Variants in SV2B observed in about 807,000 individuals in gnomAD.
SV2B encodes solute carrier family 22 member B2.
SV2B carries 41 observed loss-of-function variants against 73.9 expected under a neutral mutation model. That is an observed-to-expected ratio of 0.56 (90% CI 0.43 to 0.72). The LOEUF is 0.72. Among genes scored for constraint, SV2B ranks in the 30% least tolerant of loss-of-function variants. The pLI is 0.00. For missense variants in SV2B, 764 were observed against 857.8 expected (o/e 0.89, Z 1.37); for synonymous variants, 314 against 314.2 (o/e 1.00, Z 0.01).
intron 9 of SV2B, among the ~76,000 whole-genome samples, chr15:91,277,890 G>T (rs2048544904): frequency 6.6e-6 from 1 of 152,112 alleles, no homozygotes; most frequent in African/African-American, 2.4e-5. Context: ...GTTCCTAAAG[G>T]CAGTAAATGT....
rs2047919727 is a variant in SV2B at position 91,261,854 on chromosome 15, G to A, written c.1008+1445G>A. On this transcript the variant is annotated intron_variant, in intron 6 of 12. Transcript: ENST00000394232. The surrounding 1 kb of genome is among the most constrained non-coding windows in gnomAD (Gnocchi z 4.7). ...ATGGCCTGATAGTTACAGAGACGCT[G>A]TCTTCCTGCCTGCCATGCTCTGACA... 6.6e-6 allele frequency among the ~76,000 whole-genome samples: 1 copy of A among 152,194 alleles called. No individual in the cohort carries two copies. Among genetic ancestry groups the A allele is most frequent in the Non-Finnish European group, 1.5e-5 (1 of 68,040 alleles).
intron 1 of SV2B, among the ~76,000 whole-genome samples, chr15:91,180,129 T>A (rs890518903): frequency 5.3e-5 from 8 of 152,188 alleles, no homozygotes; most frequent in Non-Finnish European, 1.0e-4. Flanking sequence ...TTGTAAAGTA[T>A]TTTTGTTTCT....
At chr15:91,143,561 G>A (rs1278834351) in intron 1 of SV2B, among the ~76,000 whole-genome samples, 1 of 152,158 alleles carries the variant, frequency 6.6e-6, no homozygotes, top group Non-Finnish European at 1.5e-5. Flanking sequence ...GTTTTTAGTA[G>A]TGCTATTTCC....
chr15:91,238,917 C>A (rs369546631), intron 2 of SV2B, among the ~76,000 whole-genome samples: 23 of 152,146 alleles, frequency 1.5e-4, no homozygotes, highest in African/African-American at 5.1e-4. Flanking sequence ...CGGTGGAGCT[C>A]ATGACTGCCA....
chr15:91,262,520 G>A (rs373428653), intron 6 of SV2B, among the ~76,000 whole-genome samples: 9 of 151,972 alleles, frequency 5.9e-5, no homozygotes, highest in African/African-American at 2.2e-4. Flanking sequence ...AGAGGTGAAC[G>A]TGTGTCACGG....
rs1358676953 is a variant in SV2B at position 91,295,835 on chromosome 15, C to T, written c.*3283C>T. ...CCATGGGCCAGTCTCTCTGCCAAGCCCTGGGGACACAGTGATGAAAAAACT... is the reference window on the plus strand; with the variant it reads ...CCATGGGCCAGTCTCTCTGCCAAGCTCTGGGGACACAGTGATGAAAAAACT... On this transcript the variant is annotated 3_prime_UTR_variant, in exon 13 of 13. Coordinates refer to ENST00000394232, the MANE Select transcript of SV2B (RefSeq NM_001323032.3). The T allele has an allele frequency of 1.2e-4, 18 of 152,166 alleles. No individual in the cohort carries two copies. Among genetic ancestry groups the T allele is most frequent in the African/African-American group, 4.3e-4 (18 of 41,418 alleles). The allele number at this position is 152,166 out of a possible 1,614,324, so 9.4% of individuals were successfully genotyped here.
At chr15:91,159,507 T>G (rs1191622652) in intron 1 of SV2B, among the ~76,000 whole-genome samples, 5 of 152,172 alleles carry the variant, frequency 3.3e-5, no homozygotes, top group Admixed American at 6.5e-5. Flanking sequence ...TTGCTAATAT[T>G]CAGCAATGAT....
In SV2B at chr15:91,220,558, A is replaced by T. The variant is rs913920212; in HGVS notation, c.-391-5315A>T. Among the ~76,000 whole-genome samples the T allele has an allele frequency of 5.9e-5, 9 of 152,246 alleles. No homozygotes were observed. The highest frequency in any genetic ancestry group is 2.2e-4 in the African/African-American group (9 of 41,464). On this transcript the variant is annotated intron_variant, in intron 1 of 12. Transcript: ENST00000394232. This position sits in a 1 kb window ranked among gnomAD's most constrained non-coding sequence, Gnocchi z 4.1. Reference sequence around the variant, plus strand: ...AATATTTTTAACTTTGTTTTCTGTGATATTTAGTAATAAGCAAGAGTTTGC... The same window carrying T: ...AATATTTTTAACTTTGTTTTCTGTGTTATTTAGTAATAAGCAAGAGTTTGC...
intron 1 of SV2B, among the ~76,000 whole-genome samples, chr15:91,165,467 T>G (rs186935421): frequency 6.6e-6 from 1 of 152,354 alleles, no homozygotes; most frequent in African/African-American, 2.4e-5. Flanking sequence ...TTATTATAAG[T>G]AATGCAGATG....
At position 91,132,137 on chromosome 15, in the gene SV2B, G is replaced by A. The variant is rs190541758; in HGVS notation, c.-392+31774G>A. Among the ~76,000 whole-genome samples the A allele has an allele frequency of 1.8e-3, 270 of 152,280 alleles. No individual in the cohort carries two copies. The highest frequency in any genetic ancestry group is 4.8e-3 in the Admixed American group (74 of 15,278). ...AAAAGAACGAAAGCAGGTATTTATC[G>A]AAAATGAAAGTACACTCCAGTGTGG... On this transcript the variant is annotated intron_variant, in intron 1 of 12. Transcript: ENST00000394232. The surrounding 1 kb of genome is among the most constrained non-coding windows in gnomAD (Gnocchi z 4.6).
intron 1 of SV2B, among the ~76,000 whole-genome samples, chr15:91,109,738 TA>T (rs1395624376): frequency 6.6e-6 from 1 of 152,122 alleles, no homozygotes; most frequent in Admixed American, 6.5e-5. Context: ...AGGAAATAAT[TA>T]AAAAAATTTT....
chr15:91,279,718 C>T (rs12591609), intron 9 of SV2B, among the ~76,000 whole-genome samples: 1 of 152,182 alleles, frequency 6.6e-6, no homozygotes. Context: ...TCACCCAAGG[C>T]TACATCAGCA....
chr15:91,144,910 T>C (rs1322399949), intron 1 of SV2B, among the ~76,000 whole-genome samples: 1 of 151,976 alleles, frequency 6.6e-6, no homozygotes, highest in African/African-American at 2.4e-5. Context: ...TTTTTTTTTT[T>C]TATGGAAGTC....
chr15:91,158,684 CTCTT>C (rs2043586514), intron 1 of SV2B, among the ~76,000 whole-genome samples: 5 of 80,846 alleles, frequency 6.2e-5, no homozygotes, highest in Admixed American at 1.3e-4. Context: ...CTCTTCTCTT[CTCTT>C]CTCTTCTCTT....
rs566132096 is a variant in SV2B at position 91,298,069 on chromosome 15, G to A, written c.*5517G>A. 1.3e-5 allele frequency: 2 copies of A among 152,306 alleles called. No individual in the cohort carries two copies. Among genetic ancestry groups the A allele is most frequent in the Admixed American group, 6.5e-5 (1 of 15,300 alleles). 9.4% of individuals were successfully genotyped at this position (152,306 alleles called of 1,614,324 possible). On this transcript the variant is annotated 3_prime_UTR_variant, in exon 13 of 13. Coordinates refer to ENST00000394232, the MANE Select transcript of SV2B (RefSeq NM_001323032.3). This position sits in a 1 kb window ranked among gnomAD's most constrained non-coding sequence, Gnocchi z 5.4. ...GGATGCACGGGGGTGATCAAGACAT[G>A]ACTAGATGTGAACCTGACCTGCAGA...
chr15:91,158,734 C>A (rs1596493749), intron 1 of SV2B, among the ~76,000 whole-genome samples: 1 of 53,742 alleles, frequency 1.9e-5, no homozygotes, highest in Non-Finnish European at 3.6e-5. Flanking sequence ...CTCTCTTCTC[C>A]TCTTTTTTCT....
Position 91,197,104 on chromosome 15 carries a change from C to G in SV2B, c.-391-28769C>G, listed in dbSNP as rs558329420. 1.3e-5 allele frequency among the ~76,000 whole-genome samples: 2 copies of G among 152,346 alleles called. No homozygotes were observed. The highest frequency in any genetic ancestry group is 4.8e-5 in the African/African-American group (2 of 41,584). ...TTGATGTCAGAAAGACCTGTCTGCC[C>G]TGTTTCAGATGTGAGGCTGGCCTTA... On this transcript the variant is annotated intron_variant, in intron 1 of 12. Transcript: ENST00000394232. The surrounding 1 kb of genome is among the most constrained non-coding windows in gnomAD (Gnocchi z 4.9).
At chr15:91,222,044 A>G (rs1468989847) in intron 1 of SV2B, among the ~76,000 whole-genome samples, 1 of 152,168 alleles carries the variant, frequency 6.6e-6, no homozygotes, top group Non-Finnish European at 1.5e-5. Flanking sequence ...ATGCCTCTGC[A>G]TAGCCTTGTC....
rs111409099 is a variant in SV2B, at chr15:91,203,620, G to A, written c.-391-22253G>A. ...TTAGCTTGGGTTTCATCTGCTTCGAGTGAAAATAAAAATAATCTGGATTCC... is the reference window on the plus strand; with the variant it reads ...TTAGCTTGGGTTTCATCTGCTTCGAATGAAAATAAAAATAATCTGGATTCC... On this transcript the variant is annotated intron_variant, in intron 1 of 12. Transcript: ENST00000394232. Among the ~76,000 whole-genome samples the A allele has an allele frequency of 4.8e-3, 731 of 152,298 alleles. 6 individuals carry two copies. Among genetic ancestry groups the A allele is most frequent in the African/African-American group, 0.017 (697 of 41,572 alleles).
Sources: allele counts gnomAD v4.1 joint callset (sites outside exome capture counted in the v4.1 genomes callset), GRCh38; gene constraint gnomAD v4.1.1; non-coding constraint Gnocchi (gnomAD v3.1); transcripts MANE v1.5; gene names NCBI Gene and HGNC (gene_info 2026-07-23, HGNC 2026-07-21).